MARK2: variants seen among roughly 807,000 people sequenced by gnomAD.
MARK2 encodes the protein serine/threonine-protein kinase MARK2.
A neutral mutation model predicts 89.8 loss-of-function variants in MARK2; 16 were observed. That is an observed-to-expected ratio of 0.18 (90% CI 0.12 to 0.27). The LOEUF (loss-of-function observed/expected upper bound fraction) is 0.27, where lower values mean the gene tolerates loss of function less well. MARK2 is among the 10% of genes least tolerant of loss of function. The probability of loss-of-function intolerance (pLI) is 1.00; values close to 1 mark genes in which losing one functional copy is unlikely to be tolerated. For missense variants in MARK2, 621 were observed against 1,049.9 expected (o/e 0.59, Z 5.65); for synonymous variants, 382 against 399.5 (o/e 0.96, Z 0.52).
chr11:63,853,409 A>T (rs1227421511), intron 1 of MARK2, among the ~76,000 whole-genome samples: 1 of 151,840 alleles, frequency 6.6e-6, no homozygotes. Flanking sequence ...AAAAAAAAAG[A>T]TGTAGCTGCA....
At chr11:63,864,062 T>C (rs940210412) in intron 1 of MARK2, among the ~76,000 whole-genome samples, 1 of 152,112 alleles carries the variant, frequency 6.6e-6, no homozygotes, top group Non-Finnish European at 1.5e-5. Context: ...CATGACATTC[T>C]CCTGCCTCAG....
chr11:63,864,246 G>A (rs564443671), intron 1 of MARK2, among the ~76,000 whole-genome samples: 35 of 149,810 alleles, frequency 2.3e-4, no homozygotes, highest in African/African-American at 7.4e-4. Context: ...GAGCCGCCAC[G>A]CCCAGCCTAT....
Position 63,858,129 on chromosome 11 carries a change from C to T in MARK2, c.54+18569C>T, listed in dbSNP as rs181408887. ...ACAACCTCTGCCTCCTGGGATCAAG[C>T]GATTCTTGTGCCTCAGCCTCCCAAC... On this transcript the variant is annotated intron_variant, in intron 1 of 18. Transcript: ENST00000402010. 5.3e-5 allele frequency among the ~76,000 whole-genome samples: 8 copies of T among 152,148 alleles called. No homozygotes were observed. The East Asian group carries it at 1.2e-3, about 22-fold the overall frequency.
At chr11:63,852,273 C>T (rs1349189548) in intron 1 of MARK2, among the ~76,000 whole-genome samples, 2 of 152,154 alleles carry the variant, frequency 1.3e-5, no homozygotes, top group African/African-American at 2.4e-5. Flanking sequence ...CTTCTGTGCT[C>T]TTACTAGGTT....
In MARK2 at chr11:63,899,950, G is replaced by A; in HGVS notation, c.608G>A (p.Gly203Glu). Residue 203 changes from glycine (G) to glutamate (E), a missense_variant, in exon 8 of 19, where the codon GGG becomes GAG. Transcript: ENST00000402010. Reference sequence around the variant, plus strand: ...GGCTTCAGCAATGAATTCACCTTTGGGAACAAGCTGGACACCTTCTGTGGC... The same window carrying A: ...GGCTTCAGCAATGAATTCACCTTTGAGAACAAGCTGGACACCTTCTGTGGC... ...DFGFSNEFTF[G>E]NKLDTFCGSP... is the part of the protein sequence containing the mutation. 6.2e-7 allele frequency: 1 copy of A among 1,614,166 alleles called. No individual in the cohort carries two copies. Among genetic ancestry groups the A allele is most frequent in the South Asian group, 1.1e-5 (1 of 91,076 alleles).
chr11:63,879,607 G>T (rs138227179), intron 1 of MARK2, among the ~76,000 whole-genome samples: 1 of 151,928 alleles, frequency 6.6e-6, no homozygotes, highest in African/African-American at 2.4e-5. Flanking sequence ...GAGAAAGATA[G>T]CACCTCTCCC....
intron 1 of MARK2, 82 bp from the exon 2 acceptor site, chr11:63,895,077 C>T (rs1361802419): frequency 1.6e-6 from 2 of 1,218,198 alleles, no homozygotes; most frequent in Middle Eastern, 2.7e-4. Context: ...CCCCTGCACC[C>T]TCATCCCTTA....
At chr11:63,890,372 T>C (rs1164043972) in intron 1 of MARK2, 6 of 846,700 alleles carry the variant, frequency 7.1e-6, no homozygotes, top group Non-Finnish European at 1.0e-5. Flanking sequence ...TTGGTGACTT[T>C]GGAGCAGGGG....
rs1941151422 is a variant in MARK2 at position 63,904,362 on chromosome 11, G to A, written c.1676+215G>A. On this transcript the variant is annotated intron_variant, in intron 15 of 18. Transcript: ENST00000402010. The surrounding 1 kb of genome is among the most constrained non-coding windows in gnomAD (Gnocchi z 6.3). Reference sequence around the variant, plus strand: ...TTCTCCCTCTCAGAACAGGTATGCAGGAAGCTGTCCTAAGGCTCCAAAGGG... The same window carrying A: ...TTCTCCCTCTCAGAACAGGTATGCAAGAAGCTGTCCTAAGGCTCCAAAGGG... Among the ~76,000 whole-genome samples the A allele has an allele frequency of 2.0e-5, 3 of 152,218 alleles. No individual in the cohort carries two copies. Among genetic ancestry groups the A allele is most frequent in the Admixed American group, 1.3e-4 (2 of 15,288 alleles).
At position 63,903,874 on chromosome 11, in the gene MARK2, ACC is replaced by A; in HGVS notation, c.1515-110_1515-109del. The A allele has an allele frequency of 1.2e-6, 1 of 839,286 alleles. No individual in the cohort carries two copies. The highest frequency in any genetic ancestry group is 1.8e-6 in the Non-Finnish European group (1 of 547,194). The allele number at this position is 839,286 out of a possible 1,614,324, so 52.0% of individuals were successfully genotyped here. On this transcript the variant is annotated intron_variant, in intron 14 of 18. Transcript: ENST00000402010. This position sits in a 1 kb window ranked among gnomAD's most constrained non-coding sequence, Gnocchi z 5.1. ...CCGCTGCTGCCCAGGCCTGACTTCT[ACC>A]CTGCCAGAGCTCCCCAGCTCTGGCC...
intron 1 of MARK2, among the ~76,000 whole-genome samples, chr11:63,871,453 G>C (rs371763): frequency 4.5e-4 from 63 of 140,430 alleles, no homozygotes; most frequent in East Asian, 2.3e-3. Context: ...GCAGGTGTGG[G>C]TGAAGAGTAT....
chr11:63,901,667 G>A (rs1265727180), intron 11 of MARK2, among the ~76,000 whole-genome samples: 1 of 132,626 alleles, frequency 7.5e-6, no homozygotes, highest in African/African-American at 3.0e-5. Context: ...CTTCTGTCTA[G>A]TGCTTTATGT....
chr11:63,888,426 C>T (rs1163473827), intron 1 of MARK2: 1 of 649,984 alleles, frequency 1.5e-6, no homozygotes, highest in Admixed American at 5.6e-5. Context: ...GTCTCCTCGA[C>T]CTCTCGCCAG....
intron 1 of MARK2, chr11:63,888,980 T>G: frequency 7.4e-7 from 1 of 1,350,222 alleles, no homozygotes; most frequent in Non-Finnish European, 9.8e-7. Context: ...TTGTCCCCCT[T>G]TTTACTCTAG....
intron 6 of MARK2, 66 bp downstream of exon 6, chr11:63,898,899 T>C: frequency 6.9e-7 from 1 of 1,454,794 alleles, no homozygotes; most frequent in Non-Finnish European, 9.7e-7. Flanking sequence ...CATGTAAGGA[T>C]AAGCTGCCTG....
At chr11:63,905,105 T>TGGGTTGG (rs1213643298) in intron 16 of MARK2, 62 bp downstream of exon 16, 9 of 425,290 alleles carry the variant, frequency 2.1e-5, no homozygotes, top group South Asian at 3.5e-5. Flanking sequence ...TTACTCGGGG[T>TGGGTTGG]GGGTTGGGGG....
intron 1 of MARK2, among the ~76,000 whole-genome samples, chr11:63,848,064 G>A (rs1197617880): frequency 1.3e-5 from 2 of 152,208 alleles, no homozygotes; most frequent in African/African-American, 2.4e-5. Flanking sequence ...TAGGAAAGGT[G>A]GGAGCTTCCG....
intron 1 of MARK2, among the ~76,000 whole-genome samples, chr11:63,875,413 C>G (rs976174283): frequency 6.6e-5 from 10 of 152,084 alleles, no homozygotes; most frequent in African/African-American, 2.4e-4. Context: ...AGCCACCACG[C>G]CCAGCTAATT....
chr11:63,903,851 G>C lies in MARK2; in HGVS notation c.1515-135G>C. The C allele has an allele frequency of 1.5e-6, 1 of 647,040 alleles. No homozygotes were observed. The highest frequency in any genetic ancestry group is 2.2e-5 in the South Asian group (1 of 46,356). The allele number at this position is 647,040 out of a possible 1,614,324, so 40.1% of individuals were successfully genotyped here. ...ATTCCTCAGTTCTGACTTGCATCCC[G>C]CTGCTGCCCAGGCCTGACTTCTACC... On this transcript the variant is annotated intron_variant, in intron 14 of 18. Transcript: ENST00000402010. This position sits in a 1 kb window ranked among gnomAD's most constrained non-coding sequence, Gnocchi z 5.1.
Sources: gnomAD v4.1 joint callset for allele counts (sites outside exome capture counted in the v4.1 genomes callset) on GRCh38, gnomAD v4.1.1 for gene constraint, Gnocchi (gnomAD v3.1) non-coding constraint, MANE v1.5 for transcripts, NCBI Gene and HGNC (gene_info 2026-07-23, HGNC 2026-07-21) for gene names.